The following KCND2 variants were observed in gnomAD, a reference collection of about 807,000 sequenced individuals.
KCND2 encodes the protein A-type voltage-gated potassium channel KCND2.
In KCND2, 16 loss-of-function variants were observed where a neutral mutation model predicts 54.4. The ratio of observed to expected loss-of-function variants is 0.29; its 90% confidence interval spans 0.20 to 0.45. KCND2 has a LOEUF of 0.45. Among genes scored for constraint, KCND2 ranks in the 20% least tolerant of loss-of-function variants. The pLI is 1.00. For missense variants in KCND2, 486 were observed against 824.2 expected (o/e 0.59, Z 5.02); for synonymous variants, 317 against 310.7 (o/e 1.02, Z -0.21).
At chr7:120,319,856 T>A (rs1799868648) in intron 1 of KCND2, among the ~76,000 whole-genome samples, 1 of 152,144 alleles carries the variant, frequency 6.6e-6, no homozygotes, top group Non-Finnish European at 1.5e-5. Context: ...TTAATCTATA[T>A]ATTCTAATTA....
At chr7:120,424,799 A>G (rs1352507632) in intron 1 of KCND2, among the ~76,000 whole-genome samples, 2 of 152,250 alleles carry the variant, frequency 1.3e-5, no homozygotes, top group African/African-American at 2.4e-5. Flanking sequence ...AGCTTACTTG[A>G]CAATAAATGT....
Position 120,666,679 on chromosome 7 carries a change from G to A in KCND2, c.1116-66224G>A, listed in dbSNP as rs191698057. Among the ~76,000 whole-genome samples, 428 of 152,012 alleles carry A rather than the reference G, an allele frequency of 2.8e-3. 2 individuals are homozygous for A. The highest frequency in any genetic ancestry group is 9.8e-3 in the African/African-American group (406 of 41,506). On this transcript the variant is annotated intron_variant, in intron 1 of 5. Transcript: ENST00000331113. ...GCCTGCCCTCTGGACCCAACCCTAAGTTTGCTGGGCTAAATTAGCACAGTT... is the reference window on the plus strand; with the variant it reads ...GCCTGCCCTCTGGACCCAACCCTAAATTTGCTGGGCTAAATTAGCACAGTT...
intron 1 of KCND2, among the ~76,000 whole-genome samples, chr7:120,292,279 A>G (rs1024994076): frequency 6.6e-6 from 1 of 151,826 alleles, no homozygotes; most frequent in Non-Finnish European, 1.5e-5. Context: ...TTTAAATATT[A>G]CTTTTTATTT....
chr7:120,466,845 G>T (rs1490849376), intron 1 of KCND2, among the ~76,000 whole-genome samples: 2 of 152,110 alleles, frequency 1.3e-5, no homozygotes, highest in East Asian at 3.9e-4. Flanking sequence ...TTCCAGGAGA[G>T]AATCCACTCT....
chr7:120,481,387 A>T (rs1802605263), intron 1 of KCND2, among the ~76,000 whole-genome samples: 1 of 152,218 alleles, frequency 6.6e-6, no homozygotes, highest in African/African-American at 2.4e-5. Flanking sequence ...ATTTAAGTGG[A>T]AATGTTTGGA....
chr7:120,525,488 G>T (rs1791761530), intron 1 of KCND2, among the ~76,000 whole-genome samples: 1 of 152,128 alleles, frequency 6.6e-6, no homozygotes. Flanking sequence ...AATAGAAGCT[G>T]GTGTAAGTGA....
chr7:120,594,951 C>T (rs1212245278), intron 1 of KCND2, among the ~76,000 whole-genome samples: 2 of 149,944 alleles, frequency 1.3e-5, no homozygotes, highest in African/African-American at 4.9e-5. Flanking sequence ...ACCCGGGAGG[C>T]GGAGGTTGCA....
intron 1 of KCND2, among the ~76,000 whole-genome samples, chr7:120,624,170 A>G (rs895194126): frequency 6.6e-6 from 1 of 152,230 alleles, no homozygotes; most frequent in Non-Finnish European, 1.5e-5. Flanking sequence ...TCCAGGATTT[A>G]AATTTAACAC....
chr7:120,492,805 C>T (rs577149574), intron 1 of KCND2, among the ~76,000 whole-genome samples: 1 of 152,174 alleles, frequency 6.6e-6, no homozygotes, highest in South Asian at 2.1e-4. Context: ...TTCCATTAGC[C>T]TACAGTTGGG....
At chr7:120,655,905 A>G (rs1481640179) in intron 1 of KCND2, among the ~76,000 whole-genome samples, 2 of 152,076 alleles carry the variant, frequency 1.3e-5, no homozygotes, top group African/African-American at 4.8e-5. Context: ...TTTCTAGTCA[A>G]TCTAATCAAA....
At chr7:120,607,788 T>G (rs911148530) in intron 1 of KCND2, among the ~76,000 whole-genome samples, 3 of 152,034 alleles carry the variant, frequency 2.0e-5, no homozygotes, top group Non-Finnish European at 4.4e-5. Context: ...ATTCTAGATA[T>G]AGCATGAGTG....
At chr7:120,718,222 T>C (rs1172864747) in intron 1 of KCND2, among the ~76,000 whole-genome samples, 2 of 152,196 alleles carry the variant, frequency 1.3e-5, no homozygotes, top group East Asian at 3.9e-4. Flanking sequence ...CAATGTTTTG[T>C]TGAGTGGTTT....
intron 1 of KCND2, among the ~76,000 whole-genome samples, chr7:120,444,098 A>G (rs1801984600): frequency 6.6e-6 from 1 of 152,104 alleles, no homozygotes; most frequent in Non-Finnish European, 1.5e-5. Flanking sequence ...CCTAGTTCAA[A>G]GAGATTTCTT....
At chr7:120,401,501 A>G (rs1801253325) in intron 1 of KCND2, among the ~76,000 whole-genome samples, 1 of 152,134 alleles carries the variant, frequency 6.6e-6, no homozygotes, top group South Asian at 2.1e-4. Context: ...CTAAATCAGT[A>G]TTTCTAGGGA....
intron 1 of KCND2, among the ~76,000 whole-genome samples, chr7:120,412,831 A>G (rs993697472): frequency 2.6e-5 from 4 of 152,014 alleles, no homozygotes; most frequent in Admixed American, 2.0e-4. Flanking sequence ...CAAACTCCTA[A>G]TGCTTCCATT....
At chr7:120,624,836 C>T (rs182073640) in intron 1 of KCND2, among the ~76,000 whole-genome samples, 338 of 151,790 alleles carry the variant, frequency 2.2e-3, no homozygotes, top group Admixed American at 5.4e-3. Context: ...CAAGTATCTT[C>T]CATAGTAGAT....
At chr7:120,519,969 A>T (rs192515866) in intron 1 of KCND2, among the ~76,000 whole-genome samples, 1 of 152,238 alleles carries the variant, frequency 6.6e-6, no homozygotes, top group East Asian at 1.9e-4. Flanking sequence ...TAAATTACAA[A>T]TTATCCTAAT....
rs879763765 is a variant in KCND2, at chr7:120,324,381, A to G, written c.1115+48634A>G. Reference sequence around the variant, plus strand: ...AGACATGAAGTCCTTGCCCATGCCTATGTCCTGAATGGTAATGCCTAGGTT... The same window carrying G: ...AGACATGAAGTCCTTGCCCATGCCTGTGTCCTGAATGGTAATGCCTAGGTT... On this transcript the variant is annotated intron_variant, in intron 1 of 5. Coordinates refer to ENST00000331113, the MANE Select transcript of KCND2 (RefSeq NM_012281.3). Among the ~76,000 whole-genome samples the G allele has an allele frequency of 9.1e-4, 132 of 144,786 alleles. 1 individual carries two copies. Among genetic ancestry groups the G allele is most frequent in the South Asian group, 4.9e-3 (21 of 4,252 alleles). 95.0% of individuals were successfully genotyped at this position (144,786 alleles called of 152,430 possible).
chr7:120,447,713 A>G (rs767856335), intron 1 of KCND2, among the ~76,000 whole-genome samples: 10 of 152,232 alleles, frequency 6.6e-5, no homozygotes, highest in Non-Finnish European at 1.2e-4. Flanking sequence ...GTCTATAAAT[A>G]TGACATTTTA....
Sources: gnomAD v4.1 joint callset for allele counts (sites outside exome capture counted in the v4.1 genomes callset) on GRCh38, gnomAD v4.1.1 for gene constraint, MANE v1.5 for transcripts, NCBI Gene and HGNC (gene_info 2026-07-23, HGNC 2026-07-21) for gene names.